Variants in NELL1 observed in about 807,000 individuals in gnomAD.
NELL1 encodes the protein protein kinase C-binding protein NELL1.
A neutral mutation model predicts 107.4 loss-of-function variants in NELL1; 76 were observed. That is an observed-to-expected ratio of 0.71 (90% CI 0.59 to 0.86). The LOEUF (loss-of-function observed/expected upper bound fraction) is 0.86. Ranked by LOEUF, NELL1 falls within the 40% of genes least tolerant of loss-of-function variation. The pLI is 0.00. For synonymous variants in NELL1, 353 were observed against 341.2 expected (o/e 1.03, Z -0.38); for missense variants, 1,024 against 1,005.5 (o/e 1.02, Z -0.25).
chr11:21,490,722 G>T (rs749790419), intron 15 of NELL1, among the ~76,000 whole-genome samples: 1 of 151,926 alleles, frequency 6.6e-6, no homozygotes, highest in Admixed American at 6.6e-5. Flanking sequence ...CTCAATAAAT[G>T]GTGCTGGGAA....
intron 12 of NELL1, among the ~76,000 whole-genome samples, chr11:21,070,663 G>A (rs1299432288): frequency 6.6e-6 from 1 of 152,076 alleles, no homozygotes; most frequent in Non-Finnish European, 1.5e-5. Flanking sequence ...CTTTTCCAGA[G>A]TCTTGTGTGA....
chr11:21,292,395 A>G (rs1472706869), intron 14 of NELL1, among the ~76,000 whole-genome samples: 1 of 152,230 alleles, frequency 6.6e-6, no homozygotes. Flanking sequence ...CTCTTCCAGG[A>G]GAACTACAAA....
chr11:20,947,386 A>G lies in NELL1; in HGVS notation c.1122A>G (p.Ser374=). ...ITEMCPPLNC[S]EKDHILPENQ... ...AAATGTGTCCTCCTTTGAACTGCTC[A>G]GAAAAGGATCACATTCTTCCTGAGA... Residue 374 remains serine (S), a synonymous_variant, in exon 11 of 20, where the codon TCA becomes TCG. Transcript: ENST00000357134. 6.2e-7 allele frequency: 1 copy of G among 1,614,102 alleles called. No individual in the cohort carries two copies. The highest frequency in any genetic ancestry group is 8.5e-7 in the Non-Finnish European group (1 of 1,179,978).
rs58992219 is a variant in NELL1, at chr11:21,009,803, A to G, written c.1300+49243A>G. ...TTGAAGGGAAGGAAAAAATGGTCAGAAGCTTCCTTAACGAGCGTGTGCTCA... is the reference window on the plus strand; with the variant it reads ...TTGAAGGGAAGGAAAAAATGGTCAGGAGCTTCCTTAACGAGCGTGTGCTCA... On this transcript the variant is annotated intron_variant, in intron 12 of 19. Coordinates refer to ENST00000357134, the MANE Select transcript of NELL1 (RefSeq NM_006157.5). Among the ~76,000 whole-genome samples, 1,329 of 152,190 alleles carry G rather than the reference A, an allele frequency of 8.7e-3. 21 individuals carry two copies. The highest frequency in any genetic ancestry group is 0.031 in the African/African-American group (1,267 of 41,532).
At chr11:21,289,199 A>T (rs751964329) in intron 14 of NELL1, among the ~76,000 whole-genome samples, 2 of 152,168 alleles carry the variant, frequency 1.3e-5, no homozygotes, top group African/African-American at 2.4e-5. Flanking sequence ...CCACCATGAA[A>T]ATGTATTTAA....
rs188925676 is a variant in NELL1 at position 21,348,684 on chromosome 11, C to T, written c.1550-22169C>T. 3.3e-5 allele frequency among the ~76,000 whole-genome samples: 5 copies of T among 152,186 alleles called. No homozygotes were observed. The East Asian group carries it at 9.7e-4, about 29-fold the overall frequency. On this transcript the variant is annotated intron_variant, in intron 14 of 19. Coordinates refer to ENST00000357134, the MANE Select transcript of NELL1 (RefSeq NM_006157.5). ...ATGCATTTTTAAAGGGCTTTGATAC[C>T]AGCAAGGGGTTGTGGTAGCATGGAG...
At chr11:20,956,528 C>G (rs1382005474) in intron 11 of NELL1, among the ~76,000 whole-genome samples, 1 of 151,742 alleles carries the variant, frequency 6.6e-6, no homozygotes, top group Non-Finnish European at 1.5e-5. Flanking sequence ...CGCCCGTAGT[C>G]CCGGCTACTT....
At chr11:21,029,405 T>C (rs929315906) in intron 12 of NELL1, among the ~76,000 whole-genome samples, 2 of 152,162 alleles carry the variant, frequency 1.3e-5, no homozygotes, top group African/African-American at 4.8e-5. Context: ...TGTTGTGTCA[T>C]AGGTTTATGT....
chr11:21,021,114 A>T (rs1477170635), intron 12 of NELL1, among the ~76,000 whole-genome samples: 1 of 151,936 alleles, frequency 6.6e-6, no homozygotes, highest in African/African-American at 2.4e-5. Flanking sequence ...TTCCACAGAG[A>T]AACAGAGATG....
intron 12 of NELL1, among the ~76,000 whole-genome samples, chr11:21,067,763 TG>T (rs1427996738): frequency 2.0e-5 from 3 of 152,090 alleles, no homozygotes; most frequent in Admixed American, 6.6e-5. Flanking sequence ...CCGGGCATGG[TG>T]GCTCACGCCT....
intron 13 of NELL1, among the ~76,000 whole-genome samples, chr11:21,140,924 T>C (rs1855851743): frequency 6.6e-6 from 1 of 152,192 alleles, no homozygotes; most frequent in Non-Finnish European, 1.5e-5. Flanking sequence ...TTTTTCCAAA[T>C]TATGTGTCAG....
chr11:20,944,617 A>G (rs1338242724), intron 10 of NELL1, among the ~76,000 whole-genome samples: 1 of 152,236 alleles, frequency 6.6e-6, no homozygotes, highest in Non-Finnish European at 1.5e-5. Context: ...ATAACATACT[A>G]TAATCAGAAA....
chr11:21,491,872 A>C (rs1554922599), intron 15 of NELL1, among the ~76,000 whole-genome samples: 1 of 151,854 alleles, frequency 6.6e-6, no homozygotes, highest in Admixed American at 6.6e-5. Context: ...CTTTTATTTC[A>C]TTGAGCAGTG....
At chr11:21,570,006 A>G (rs2134012570) in intron 17 of NELL1, among the ~76,000 whole-genome samples, 1 of 151,980 alleles carries the variant, frequency 6.6e-6, no homozygotes, top group African/African-American at 2.4e-5. Flanking sequence ...TAAGCAACAG[A>G]CATAAAAAAA....
intron 15 of NELL1, among the ~76,000 whole-genome samples, chr11:21,406,932 C>T (rs7942177): frequency 0.69 from 104,625 of 151,914 alleles, 36,235 homozygotes; most frequent in African/African-American, 0.74. Flanking sequence ...TCCTTCTACC[C>T]AACTGTATGT....
intron 14 of NELL1, among the ~76,000 whole-genome samples, chr11:21,282,150 GA>G (rs920875250): frequency 2.0e-5 from 3 of 150,358 alleles, no homozygotes; most frequent in Non-Finnish European, 3.0e-5. Context: ...AACTCTATAG[GA>G]AAAAAAAATC....
At chr11:21,338,333 T>C (rs1850483409) in intron 14 of NELL1, among the ~76,000 whole-genome samples, 1 of 152,284 alleles carries the variant, frequency 6.6e-6, no homozygotes, top group Middle Eastern at 3.4e-3. Flanking sequence ...CAATCACAAA[T>C]GGAGAACCTT....
intron 12 of NELL1, among the ~76,000 whole-genome samples, chr11:20,992,314 C>T (rs1051881650): frequency 2.6e-5 from 4 of 152,186 alleles, no homozygotes; most frequent in African/African-American, 9.6e-5. Context: ...TATTTCACTG[C>T]TGTCCAGGAT....
chr11:21,356,219 C>T (rs1850930110), intron 14 of NELL1, among the ~76,000 whole-genome samples: 1 of 152,086 alleles, frequency 6.6e-6, no homozygotes, highest in South Asian at 2.1e-4. Flanking sequence ...AATGTAAACC[C>T]ATCAGAAATA....
Sources: allele counts gnomAD v4.1 joint callset (sites outside exome capture counted in the v4.1 genomes callset), GRCh38; gene constraint gnomAD v4.1.1; transcripts MANE v1.5; gene names NCBI Gene and HGNC (gene_info 2026-07-23, HGNC 2026-07-21).